The following UBR1 variants were observed in gnomAD, a reference collection of about 807,000 sequenced individuals.
UBR1 encodes the protein ubiquitin protein ligase E3 component n-recognin 1.
Under a neutral mutation model 242.1 loss-of-function variants are expected in UBR1, and 102 were observed. The ratio of observed to expected loss-of-function variants is 0.42; its 90% CI spans 0.36 to 0.50. UBR1 has a LOEUF of 0.50. Ranked by LOEUF, UBR1 falls within the 20% of genes least tolerant of loss-of-function variation. The pLI is 0.01. For synonymous variants in UBR1, 675 were observed against 684.8 expected, an observed-to-expected ratio of 0.99 and a Z score of 0.22; for missense variants, 1,772 against 2,101.8, an observed-to-expected ratio of 0.84 and a Z score of 3.07.
At chr15:43,006,622 T>C (rs541571351) in intron 30 of UBR1, among the ~76,000 whole-genome samples, 1 of 152,368 alleles carries the variant, frequency 6.6e-6, no homozygotes, top group African/African-American at 2.4e-5. Flanking sequence ...TAATTCCTGA[T>C]GTAATAAGTG....
intron 32 of UBR1, among the ~76,000 whole-genome samples, chr15:42,999,502 G>GT (rs1443644206): frequency 1.3e-5 from 2 of 152,094 alleles, no homozygotes; most frequent in African/African-American, 2.4e-5. Flanking sequence ...TAAAATGGAC[G>GT]TAAGGACAGG....
chr15:42,945,768 CT>C (rs1430900206), intron 46 of UBR1, among the ~76,000 whole-genome samples: 1 of 152,140 alleles, frequency 6.6e-6, no homozygotes, highest in Non-Finnish European at 1.5e-5. Flanking sequence ...CAGCACTATT[CT>C]TTTTTGGTGG....
intron 4 of UBR1, among the ~76,000 whole-genome samples, chr15:43,071,603 A>C (rs2033826298): frequency 6.6e-6 from 1 of 152,212 alleles, no homozygotes; most frequent in African/African-American, 2.4e-5. Flanking sequence ...AAAACGGTTA[A>C]GATGATAAAT....
intron 37 of UBR1, 99 bp from the exon 38 acceptor site, chr15:42,978,046 G>T: frequency 1.1e-6 from 1 of 898,814 alleles, no homozygotes; most frequent in Non-Finnish European, 1.8e-6. Context: ...ATATAACAGG[G>T]TTATAAAATA....
intron 37 of UBR1, among the ~76,000 whole-genome samples, chr15:42,982,389 GTT>G: frequency 6.6e-6 from 1 of 152,202 alleles, no homozygotes; most frequent in Non-Finnish European, 1.5e-5. Context: ...CATATGGAAG[GTT>G]CTGGCCCTGT....
At chr15:43,036,300 CAT>C in intron 18 of UBR1, 21 bp from the exon 19 acceptor site, 1 of 1,583,432 alleles carries the variant, frequency 6.3e-7, no homozygotes, top group Non-Finnish European at 8.7e-7. Context: ...AATCCAGCAT[CAT>C]ATTTCTTCTG....
intron 14 of UBR1, 34 bp from the exon 15 acceptor site, chr15:43,043,429 G>A (rs765290909): frequency 6.2e-7 from 1 of 1,604,536 alleles, no homozygotes; most frequent in South Asian, 1.1e-5. Context: ...AAGTTGACAA[G>A]TTTTCTACTT....
At chr15:43,075,216 A>C in intron 3 of UBR1, 127 bp from the exon 4 acceptor site, 2 of 821,158 alleles carry the variant, frequency 2.4e-6, no homozygotes, top group Non-Finnish European at 4.2e-6. Context: ...TGTAATATTA[A>C]CTGGATGTAA....
intron 46 of UBR1, among the ~76,000 whole-genome samples, chr15:42,945,981 A>G (rs1027278290): frequency 6.6e-6 from 1 of 152,224 alleles, no homozygotes; most frequent in Non-Finnish European, 1.5e-5. Context: ...TTATACTTCA[A>G]TTCTAGAGTT....
rs1032903356 is a variant in UBR1, at chr15:42,970,125, G to A, written c.4457+395C>T. ...AAGGCCACAATAACCAAAACAGCATGGTACTGGTACCAAAACAGATATATA... is the reference window on the plus strand; with the variant it reads ...AAGGCCACAATAACCAAAACAGCATAGTACTGGTACCAAAACAGATATATA... On this transcript the variant is annotated intron_variant, in intron 40 of 46. Coordinates refer to ENST00000290650, the MANE Select transcript of UBR1 (RefSeq NM_174916.3). Among the ~76,000 whole-genome samples, 6 of 152,200 alleles carry A rather than the reference G, an allele frequency of 3.9e-5. No individual in the cohort carries two copies. In the East Asian group the frequency reaches 9.7e-4, roughly 24 times the overall value.
At chr15:43,080,908 G>A (rs1401657339) in intron 3 of UBR1, among the ~76,000 whole-genome samples, 1 of 151,988 alleles carries the variant, frequency 6.6e-6, no homozygotes, top group African/African-American at 2.4e-5. Flanking sequence ...CCAAGATTGT[G>A]CCACTGCACT....
At chr15:43,089,018 C>T (rs1479105693) in intron 1 of UBR1, among the ~76,000 whole-genome samples, 1 of 151,362 alleles carries the variant, frequency 6.6e-6, no homozygotes, top group Non-Finnish European at 1.5e-5. Flanking sequence ...AAAAATTGGC[C>T]AGGCATGATG....
chr15:42,950,718 G>T, intron 45 of UBR1: 1 of 311,006 alleles, frequency 3.2e-6, no homozygotes. Flanking sequence ...GAGAGGGGAG[G>T]GAACCTCACA....
rs749502106 is a variant in UBR1 at position 43,048,535 on chromosome 15, G to A, written c.1440-44C>T. On this transcript the variant is annotated intron_variant, in intron 12 of 46. Transcript: ENST00000290650. Reference sequence around the variant, plus strand: ...AAGAAATATTTCATTTATCTATTTTGAGATAATTTTAAGGTTCTCAGGGTT... The same window carrying A: ...AAGAAATATTTCATTTATCTATTTTAAGATAATTTTAAGGTTCTCAGGGTT... The A allele has an allele frequency of 2.7e-6, 4 of 1,493,782 alleles. No homozygotes were observed. The Admixed American group carries it at 6.8e-5, about 25-fold the overall frequency. The allele number at this position is 1,493,782 out of a possible 1,614,324, so 92.5% of individuals were successfully genotyped here. A position where few individuals can be genotyped will look rare whatever the true frequency, so the allele number is the denominator to read the frequency against.
At chr15:43,025,455 T>C in intron 23 of UBR1, 26 bp from the exon 24 acceptor site, 2 of 1,549,682 alleles carry the variant, frequency 1.3e-6, no homozygotes, top group East Asian at 2.3e-5. Context: ...TCATTAAATA[T>C]ACTGCTTTGG....
intron 34 of UBR1, among the ~76,000 whole-genome samples, chr15:42,989,447 T>G (rs1478313674): frequency 6.6e-6 from 1 of 152,230 alleles, no homozygotes; most frequent in Non-Finnish European, 1.5e-5. Flanking sequence ...ATTTCCAGTT[T>G]TCTGAACTTC....
intron 22 of UBR1, 128 bp from the exon 23 acceptor site, chr15:43,026,791 G>T: frequency 1.3e-6 from 1 of 755,982 alleles, no homozygotes. Context: ...TTTAGCTTAT[G>T]AAAAATTCCA....
intron 41 of UBR1, among the ~76,000 whole-genome samples, chr15:42,964,913 T>C (rs893938048): frequency 1.3e-5 from 2 of 152,222 alleles, no homozygotes; most frequent in Non-Finnish European, 2.9e-5. Flanking sequence ...CCCAATACCC[T>C]CTATTCCTGA....
chr15:42,977,824 G>T, intron 38 of UBR1, 56 bp downstream of exon 38: 1 of 1,433,266 alleles, frequency 7.0e-7, no homozygotes, highest in South Asian at 1.1e-5. Context: ...TTTAAATGAG[G>T]AAAATACAAG....
Sources: allele counts gnomAD v4.1 joint callset (sites outside exome capture counted in the v4.1 genomes callset), GRCh38; gene constraint gnomAD v4.1.1; transcripts MANE v1.5; gene names NCBI Gene and HGNC (gene_info 2026-07-23, HGNC 2026-07-21).